Variants in BEND3 observed in about 807,000 individuals in gnomAD.
The protein encoded by BEND3 is BEN domain containing 3.
Under a neutral mutation model 60.1 loss-of-function variants are expected in BEND3, and 13 were observed. That is an observed-to-expected ratio of 0.22 (90% CI 0.14 to 0.34). The LOEUF is 0.34. BEND3 is among the 10% of genes least tolerant of loss of function. The pLI, the probability that BEND3 is intolerant of heterozygous loss-of-function variation, is 1.00. For synonymous variants in BEND3, 497 were observed against 491.5 expected (o/e 1.01, Z -0.15); for missense variants, 896 against 1,138.1 (o/e 0.79, Z 3.06).
intron 3 of BEND3, among the ~76,000 whole-genome samples, chr6:107,084,373 G>A (rs1279219753): frequency 6.6e-6 from 1 of 152,220 alleles, no homozygotes; most frequent in Non-Finnish European, 1.5e-5. Flanking sequence ...GGTCAGGTAG[G>A]GATTTGGAGA....
At chr6:107,080,354 C>CAAAAAAAAAAAAAAAAAA (rs11402351) in intron 3 of BEND3, among the ~76,000 whole-genome samples, 1 of 83,258 alleles carries the variant, frequency 1.2e-5, no homozygotes, top group African/African-American at 4.7e-5. Flanking sequence ...GATCCCATCT[C>CAAAAAAAAAAAAAAAAAA]AAAAAAAAAA....
At chr6:107,107,303 T>C (rs894003808) in intron 1 of BEND3, among the ~76,000 whole-genome samples, 30 of 152,010 alleles carry the variant, frequency 2.0e-4, no homozygotes, top group African/African-American at 7.0e-4. Flanking sequence ...TACCTACCCA[T>C]CCAAGCTGTA....
At position 107,070,254 on chromosome 6, in the gene BEND3, C is replaced by A. The variant is rs1554231756; in HGVS notation, c.937G>T (p.Val313Phe). 3 of 1,613,048 alleles carry A rather than the reference C, an allele frequency of 1.9e-6. No homozygotes were observed. The highest frequency in any genetic ancestry group is 2.5e-6 in the Non-Finnish European group (3 of 1,180,000). The change falls in exon 4 of 4, where the codon GTC (valine) becomes TTC (phenylalanine). Residue 313 changes from valine (V) to phenylalanine (F), a missense_variant. This residue lies in a region of BEND3 where 846 missense variants were observed against 1,036.7 expected (regional missense o/e 0.82). Coordinates refer to ENST00000369042, the MANE Select transcript of BEND3 (RefSeq NM_001367314.1). The surrounding 1 kb of genome is among the most constrained non-coding windows in gnomAD (Gnocchi z 6.9). ...GTGTCCTTCACCGAGGGGTAGTAGA[C>A]CTCCACATAGTTGCGGATGAGCTGC... ...HLQLIRNYVE[V>F]YYPSVKDTAV...
chr6:107,089,608 T>TG (rs1554234869), intron 3 of BEND3, among the ~76,000 whole-genome samples: 1 of 134,270 alleles, frequency 7.4e-6, no homozygotes, highest in Non-Finnish European at 1.6e-5. Flanking sequence ...GGATTTTTTT[T>TG]TTTCGAGACA....
chr6:107,075,045 G>A (rs1554232592), intron 3 of BEND3, among the ~76,000 whole-genome samples: 2 of 151,680 alleles, frequency 1.3e-5, no homozygotes, highest in East Asian at 3.9e-4. Flanking sequence ...AGGTGGCAGT[G>A]AGTGCCACTG....
chr6:107,078,652 G>T (rs1554233100), intron 3 of BEND3, among the ~76,000 whole-genome samples: 1 of 150,742 alleles, frequency 6.6e-6, no homozygotes, highest in South Asian at 2.1e-4. Flanking sequence ...CTGACATGGA[G>T]CATGCCCCAT....
intron 3 of BEND3, among the ~76,000 whole-genome samples, chr6:107,083,763 C>G (rs1216675681): frequency 6.6e-6 from 1 of 151,794 alleles, no homozygotes; most frequent in Non-Finnish European, 1.5e-5. Context: ...AGAAGCAACC[C>G]AAAATATCTG....
At chr6:107,102,941 T>C (rs1775731369) in intron 1 of BEND3, among the ~76,000 whole-genome samples, 2 of 152,198 alleles carry the variant, frequency 1.3e-5, no homozygotes, top group South Asian at 4.1e-4. Flanking sequence ...TGGCTTCAAA[T>C]CGAGTCTTTC....
At chr6:107,115,051 C>G (rs1276351231) in intron 1 of BEND3, 39 bp downstream of exon 1, 1 of 148,726 alleles carries the variant, frequency 6.7e-6, no homozygotes, top group Non-Finnish European at 1.5e-5. Flanking sequence ...GCCAACGCTG[C>G]CGCCGCCGCG....
intron 3 of BEND3, among the ~76,000 whole-genome samples, chr6:107,083,594 A>G (rs907214233): frequency 3.3e-5 from 5 of 152,076 alleles, no homozygotes; most frequent in Non-Finnish European, 5.9e-5. Flanking sequence ...CCGTGGTCAC[A>G]CTACTGCACT....
Position 107,067,569 on chromosome 6 carries a change from G to A in BEND3, c.*1135C>T, listed in dbSNP as rs1774859578. The A allele has an allele frequency of 6.6e-6, 1 of 152,208 alleles. No homozygotes were observed. The highest frequency in any genetic ancestry group is 2.1e-4 in the South Asian group (1 of 4,822). 9.4% of individuals were successfully genotyped at this position (152,208 alleles called of 1,614,324 possible). On this transcript the variant is annotated 3_prime_UTR_variant, in exon 4 of 4. Coordinates refer to ENST00000369042, the MANE Select transcript of BEND3 (RefSeq NM_001367314.1). The stretch of plus-strand genomic sequence containing the variant: ...AAAGTTCTGAGTGGACCCTGGGAAG[G>A]GACATGTGTACCCCATCTAAAATGG...
chr6:107,084,662 G>A (rs920019873), intron 3 of BEND3, among the ~76,000 whole-genome samples: 5 of 151,346 alleles, frequency 3.3e-5, no homozygotes, highest in African/African-American at 4.9e-5. Context: ...GCACCAATCA[G>A]CACTCTGTAA....
At position 107,098,576 on chromosome 6, in the gene BEND3, A is replaced by G; in HGVS notation, c.215T>C (p.Val72Ala). 6.2e-7 allele frequency: 1 copy of G among 1,613,276 alleles called. No individual in the cohort carries two copies. Among genetic ancestry groups the G allele is most frequent in the Non-Finnish European group, 8.5e-7 (1 of 1,180,016 alleles). The change falls in exon 3 of 4, where the codon GTG becomes GCG. Residue 72 changes from valine (V) to alanine (A), a missense_variant. By Grantham distance (64) the Val-to-Ala change is moderately conservative (BLOSUM62 0). Around this residue, in one of 4 missense-constraint regions of BEND3, gnomAD observed 846 missense variants for 1,036.7 expected, o/e 0.82. Coordinates refer to ENST00000369042, the MANE Select transcript of BEND3 (RefSeq NM_001367314.1). ...SDGLLDSVPG[V>A]KRRRLIPEAL... Reference sequence around the variant, plus strand: ...CTCGGGGATCAGCCGCCTCCTCTTCACGCCGGGGACAGAGTCTAGCAGGCC... The same window carrying G: ...CTCGGGGATCAGCCGCCTCCTCTTCGCGCCGGGGACAGAGTCTAGCAGGCC...
Position 107,098,762 on chromosome 6 carries a change from G to A in BEND3, c.38-9C>T. The A allele has an allele frequency of 6.2e-7, 1 of 1,612,652 alleles. No homozygotes were observed. The highest frequency in any genetic ancestry group is 1.1e-5 in the South Asian group (1 of 91,038). On this transcript the variant is annotated splice_polypyrimidine_tract_variant and intron_variant, in intron 2 of 3. Transcript: ENST00000369042. ...AGTGATACTTTTTAGAACTGTGTCAGAGAAGAAATAGGGCTCAGTGGGAAA... is the reference window on the plus strand; with the variant it reads ...AGTGATACTTTTTAGAACTGTGTCAAAGAAGAAATAGGGCTCAGTGGGAAA...
chr6:107,113,795 G>A (rs1347717847), intron 1 of BEND3: 4 of 152,154 alleles, frequency 2.6e-5, no homozygotes, highest in African/African-American at 9.7e-5. Flanking sequence ...GACTGCAAGG[G>A]TGGAAGTGGG....
At position 107,098,729 on chromosome 6, in the gene BEND3, A is replaced by G. The variant is rs1554236377; in HGVS notation, c.62T>C (p.Val21Ala). The G allele has an allele frequency of 6.2e-7, 1 of 1,614,040 alleles. No homozygotes were observed. The highest frequency in any genetic ancestry group is 8.5e-7 in the Non-Finnish European group (1 of 1,179,992). ...EEVLKSITVKVETEAEDAALD... is the reference protein window; with the variant it reads ...EEVLKSITVKAETEAEDAALD... ...AGCAGCATCTTCAGCCTCTGTCTCC[A>G]CTTTCACAGTGATACTTTTTAGAAC... The change falls in exon 3 of 4, where the codon GTG becomes GCG. Residue 21 changes from valine (V) to alanine (A), a missense_variant. This residue lies in a region of BEND3 where 846 missense variants were observed against 1,036.7 expected (regional missense o/e 0.82). Coordinates refer to ENST00000369042, the MANE Select transcript of BEND3 (RefSeq NM_001367314.1).
chr6:107,109,068 G>A (rs1006909753), intron 1 of BEND3, among the ~76,000 whole-genome samples: 25 of 151,944 alleles, frequency 1.6e-4, no homozygotes, highest in Non-Finnish European at 2.2e-4. Flanking sequence ...AGCCTCCTAA[G>A]GTGCTGGGAT....
intron 1 of BEND3, among the ~76,000 whole-genome samples, chr6:107,105,435 C>T (rs1383470652): frequency 2.0e-5 from 3 of 151,492 alleles, no homozygotes; most frequent in African/African-American, 7.3e-5. Context: ...AAGCAGGGGG[C>T]GGTTGATCAG....
At chr6:107,103,378 A>G (rs9480735) in intron 1 of BEND3, among the ~76,000 whole-genome samples, 4,317 of 152,238 alleles carry the variant, frequency 0.028, 203 homozygotes, top group African/African-American at 0.099. Flanking sequence ...CCTCTCGCCT[A>G]CCTGACTATA....
Sources: allele counts gnomAD v4.1 joint callset (sites outside exome capture counted in the v4.1 genomes callset), GRCh38; gene constraint gnomAD v4.1.1; regional missense constraint gnomAD v4.1.1; non-coding constraint Gnocchi (gnomAD v3.1); transcripts MANE v1.5; gene names NCBI Gene and HGNC (gene_info 2026-07-23, HGNC 2026-07-21).